FYN: variants seen among roughly 807,000 people sequenced by gnomAD.
FYN encodes FYN proto-oncogene, Src family tyrosine kinase.
Under a neutral mutation model 70.2 loss-of-function variants are expected in FYN, and 10 were observed. The observed-to-expected ratio is 0.14, with a 90% CI of 0.09 to 0.24. FYN has a LOEUF of 0.24. Ranked by LOEUF, FYN falls within the 10% of genes least tolerant of loss-of-function variation. The pLI is 1.00. For missense variants in FYN, 319 were observed against 673.1 expected, an observed-to-expected ratio of 0.47 and a Z score of 5.82; for synonymous variants, 236 against 248.6, an observed-to-expected ratio of 0.95 and a Z score of 0.48.
intron 12 of FYN, among the ~76,000 whole-genome samples, chr6:111,678,742 T>C (rs1380194909): frequency 6.6e-6 from 1 of 152,198 alleles, no homozygotes; most frequent in Non-Finnish European, 1.5e-5. Flanking sequence ...AACCACCCAG[T>C]TGGTGACAAC....
At chr6:111,662,053 C>T (rs942676797) in intron 13 of FYN, 106 bp from the exon 14 acceptor site, 2 of 898,198 alleles carry the variant, frequency 2.2e-6, no homozygotes, top group African/African-American at 1.7e-5. Flanking sequence ...GTGGCTAAAA[C>T]ATGCGGAGTA....
intron 3 of FYN, among the ~76,000 whole-genome samples, chr6:111,736,211 C>A (rs115570761): frequency 0.014 from 2,094 of 152,282 alleles, 45 homozygotes; most frequent in African/African-American, 0.048. Flanking sequence ...TCTCCTCCAG[C>A]TGTGGAGGGG....
chr6:111,775,995 A>C (rs1232636981), intron 3 of FYN, among the ~76,000 whole-genome samples: 3 of 152,158 alleles, frequency 2.0e-5, no homozygotes. Context: ...TTGGGTTACA[A>C]AATTGTCCAT....
At chr6:111,857,436 C>T (rs1482178805) in intron 1 of FYN, among the ~76,000 whole-genome samples, 1 of 152,162 alleles carries the variant, frequency 6.6e-6, no homozygotes, top group Non-Finnish European at 1.5e-5. Flanking sequence ...CGCTTAAGGA[C>T]ATAATCTCAC....
At chr6:111,800,500 G>A (rs1218940223) in intron 2 of FYN, among the ~76,000 whole-genome samples, 2 of 152,102 alleles carry the variant, frequency 1.3e-5, no homozygotes, top group East Asian at 1.9e-4. Flanking sequence ...AAAAGAAAAC[G>A]TACAAAAAGT....
At chr6:111,718,120 G>A (rs1800754969) in intron 4 of FYN, among the ~76,000 whole-genome samples, 1 of 152,180 alleles carries the variant, frequency 6.6e-6, no homozygotes, top group South Asian at 2.1e-4. Context: ...CCCACTGTGT[G>A]GAAGGCAAGG....
chr6:111,822,163 A>G (rs1195669777), intron 2 of FYN, among the ~76,000 whole-genome samples: 1 of 152,248 alleles, frequency 6.6e-6, no homozygotes, highest in Non-Finnish European at 1.5e-5. Context: ...TCATGCTGCT[A>G]TAAAGACACA....
chr6:111,688,597 G>A (rs1253908035), intron 12 of FYN, among the ~76,000 whole-genome samples: 3 of 152,084 alleles, frequency 2.0e-5, no homozygotes, highest in Non-Finnish European at 4.4e-5. Context: ...ACAGATACTC[G>A]GGAGAACTGC....
chr6:111,772,599 T>A (rs2128500442), intron 3 of FYN, among the ~76,000 whole-genome samples: 1 of 152,314 alleles, frequency 6.6e-6, no homozygotes, highest in South Asian at 2.1e-4. Context: ...CATGACATCA[T>A]TTATAAAGTA....
At chr6:111,770,841 ACT>A (rs1217380309) in intron 3 of FYN, among the ~76,000 whole-genome samples, 1 of 151,864 alleles carries the variant, frequency 6.6e-6, no homozygotes, top group Non-Finnish European at 1.5e-5. Flanking sequence ...GAGCATGAGA[ACT>A]CTCTATCGTA....
intron 12 of FYN, among the ~76,000 whole-genome samples, chr6:111,678,108 A>ATGTGTGTGTG (rs57015847): frequency 0.059 from 5,528 of 93,716 alleles, 147 homozygotes; most frequent in East Asian, 0.11. Flanking sequence ...AGGCCATAAT[A>ATGTGTGTGTG]TGTGTGTGTG....
intron 3 of FYN, among the ~76,000 whole-genome samples, chr6:111,723,315 G>A (rs697641): frequency 0.082 from 12,437 of 151,896 alleles, 1,580 homozygotes; most frequent in African/African-American, 0.27. Flanking sequence ...TGCATCTTGC[G>A]TGGCCAGAAC....
At chr6:111,740,471 CAA>C (rs1264410894) in intron 3 of FYN, among the ~76,000 whole-genome samples, 1 of 152,210 alleles carries the variant, frequency 6.6e-6, no homozygotes, top group East Asian at 1.9e-4. Context: ...ATACAAGTCA[CAA>C]AACACGAGGT....
In FYN at chr6:111,753,040, T is replaced by C. The variant is rs543040763; in HGVS notation, c.-12+27526A>G. 3.3e-5 allele frequency among the ~76,000 whole-genome samples: 5 copies of C among 152,340 alleles called. No individual in the cohort carries two copies. In the South Asian group the frequency reaches 1.0e-3, roughly 32 times the overall value. On this transcript the variant is annotated intron_variant, in intron 3 of 13. Coordinates refer to ENST00000354650, the MANE Select transcript of FYN (RefSeq NM_002037.5). Reference sequence around the variant, plus strand: ...AGGCAAAAATAGCTTTGGATAAAATTTAGTCCCATTTCTATATATATTGAA... The same window carrying C: ...AGGCAAAAATAGCTTTGGATAAAATCTAGTCCCATTTCTATATATATTGAA...
chr6:111,800,082 C>A (rs1003485733), intron 2 of FYN, among the ~76,000 whole-genome samples: 1 of 152,078 alleles, frequency 6.6e-6, no homozygotes, highest in African/African-American at 2.4e-5. Flanking sequence ...CTTGTTGATG[C>A]CCTGTGGGTA....
chr6:111,693,406 T>C (rs528066890), intron 12 of FYN, among the ~76,000 whole-genome samples: 2 of 152,226 alleles, frequency 1.3e-5, no homozygotes, highest in African/African-American at 2.4e-5. Flanking sequence ...GCTATAAACA[T>C]TATATTCTAC....
At chr6:111,692,431 C>A (rs2128432531) in intron 12 of FYN, among the ~76,000 whole-genome samples, 1 of 151,798 alleles carries the variant, frequency 6.6e-6, no homozygotes, top group African/African-American at 2.4e-5. Context: ...CTCAGGGCAG[C>A]AGCCTGATGG....
intron 13 of FYN, among the ~76,000 whole-genome samples, chr6:111,672,393 T>C (rs1224753845): frequency 6.6e-6 from 1 of 152,228 alleles, no homozygotes; most frequent in Non-Finnish European, 1.5e-5. Flanking sequence ...CCGCTGGAGT[T>C]AGTTCTCACT....
At chr6:111,797,727 C>CAT (rs2128518093) in intron 2 of FYN, among the ~76,000 whole-genome samples, 2 of 137,666 alleles carry the variant, frequency 1.5e-5, no homozygotes, top group East Asian at 4.2e-4. Flanking sequence ...CACACACACA[C>CAT]ATGACACACC....
Sources: allele counts gnomAD v4.1 joint callset (sites outside exome capture counted in the v4.1 genomes callset), GRCh38; gene constraint gnomAD v4.1.1; transcripts MANE v1.5; gene names NCBI Gene and HGNC (gene_info 2026-07-23, HGNC 2026-07-21).